The following ABTB3 variants were observed in gnomAD, a reference collection of about 807,000 sequenced individuals.
ABTB3 encodes ankyrin repeat- and BTB/POZ domain-containing protein 3.
chr12:107,438,719 A>G, the ABTB3 span, among the ~76,000 whole-genome samples: 1 of 152,180 alleles, frequency 6.6e-6, no homozygotes, highest in Non-Finnish European at 1.5e-5. Flanking sequence ...GAGCCATTCA[A>G]TTTAACGTCC....
chr12:107,388,083 C>T, the ABTB3 span, among the ~76,000 whole-genome samples: 2 of 151,290 alleles, frequency 1.3e-5, no homozygotes, highest in Non-Finnish European at 2.9e-5. Context: ...AGTGATTCTC[C>T]TGCCTCAGCC....
At chr12:107,542,911 G>A in the ABTB3 span, among the ~76,000 whole-genome samples, 1 of 152,154 alleles carries the variant, frequency 6.6e-6, no homozygotes, top group Non-Finnish European at 1.5e-5. Flanking sequence ...GGAGGAGAAG[G>A]AAAAGGAGGA....
chr12:107,492,355 C>G, the ABTB3 span, among the ~76,000 whole-genome samples: 1 of 152,168 alleles, frequency 6.6e-6, no homozygotes, highest in African/African-American at 2.4e-5. Flanking sequence ...GCTTGCCACA[C>G]CCCTCTGTGC....
At chr12:107,473,435 C>T in the ABTB3 span, among the ~76,000 whole-genome samples, 1 of 151,984 alleles carries the variant, frequency 6.6e-6, no homozygotes, top group African/African-American at 2.4e-5. Context: ...CTCACTGCAA[C>T]CTCTGCCTCC....
At chr12:107,554,584 G>A in the ABTB3 span, among the ~76,000 whole-genome samples, 31 of 152,270 alleles carry the variant, frequency 2.0e-4, no homozygotes, top group Non-Finnish European at 1.5e-4. Context: ...GATAATAGCC[G>A]TTACTATTCT....
At chr12:107,596,038 AATT>A in the ABTB3 span, among the ~76,000 whole-genome samples, 1 of 152,140 alleles carries the variant, frequency 6.6e-6, no homozygotes, top group East Asian at 1.9e-4. Context: ...TGTTTGCTAT[AATT>A]ATTATTTGAG....
At chr12:107,451,947 GTTA>G in the ABTB3 span, among the ~76,000 whole-genome samples, 34 of 152,326 alleles carry the variant, frequency 2.2e-4, no homozygotes, top group East Asian at 1.3e-3. Context: ...GGGAAGCACT[GTTA>G]TTATTAATCC....
the ABTB3 span, among the ~76,000 whole-genome samples, chr12:107,503,756 CAAAA>C: frequency 1.4e-5 from 1 of 70,766 alleles, no homozygotes; most frequent in Non-Finnish European, 2.5e-5. Context: ...GACCCTATCT[CAAAA>C]AAAAAAAAAA....
chr12:107,511,546 A>T, the ABTB3 span, among the ~76,000 whole-genome samples: 2 of 151,890 alleles, frequency 1.3e-5, no homozygotes, highest in African/African-American at 4.8e-5. Flanking sequence ...ATCCTCCAGC[A>T]TGCTAGCCAG....
chr12:107,616,988 G>A, the ABTB3 span: 4 of 1,195,190 alleles, frequency 3.3e-6, no homozygotes, highest in Non-Finnish European at 4.9e-6. Flanking sequence ...CCTAGAGGGA[G>A]GGAAGGAGTG....
the ABTB3 span, among the ~76,000 whole-genome samples, chr12:107,644,005 T>TTGGGGAG: frequency 6.6e-6 from 1 of 152,238 alleles, no homozygotes; most frequent in South Asian, 2.1e-4. Context: ...CTCAACCAAT[T>TTGGGGAG]CACCCACCTT....
chr12:107,372,138 T>C, the ABTB3 span, among the ~76,000 whole-genome samples: 1 of 152,232 alleles, frequency 6.6e-6, no homozygotes, highest in African/African-American at 2.4e-5. Flanking sequence ...TGATTTACTT[T>C]TGCATCATCC....
chr12:107,447,779 A>T, the ABTB3 span, among the ~76,000 whole-genome samples: 1 of 152,138 alleles, frequency 6.6e-6, no homozygotes, highest in Non-Finnish European at 1.5e-5. Context: ...CTAAGAGAGA[A>T]ATCAGAGGTG....
chr12:107,486,611 T>C, the ABTB3 span: 1 of 151,882 alleles, frequency 6.6e-6, no homozygotes, highest in Admixed American at 6.6e-5. Flanking sequence ...ATATTGGGCA[T>C]GTTCAGGGTG....
chr12:107,393,337 G>GCACTTTGGGT, the ABTB3 span, among the ~76,000 whole-genome samples: 1 of 149,510 alleles, frequency 6.7e-6, no homozygotes, highest in Non-Finnish European at 1.5e-5. Flanking sequence ...ATCAGGCAGG[G>GCACTTTGGGT]TGGGGGTGGG....
the ABTB3 span, chr12:107,319,406 A>G: frequency 1.2e-6 from 2 of 1,602,068 alleles, no homozygotes; most frequent in South Asian, 1.1e-5. Context: ...GCGCTTCGCC[A>G]AGTGCACCAA....
chr12:107,329,195 G>A, the ABTB3 span, among the ~76,000 whole-genome samples: 4 of 152,212 alleles, frequency 2.6e-5, no homozygotes, highest in African/African-American at 7.2e-5. Context: ...CTACTGCAGA[G>A]GAGACTGAGG....
the ABTB3 span, among the ~76,000 whole-genome samples, chr12:107,492,162 T>C: frequency 6.6e-6 from 1 of 152,132 alleles, no homozygotes; most frequent in Non-Finnish European, 1.5e-5. Context: ...TAGAATGGTG[T>C]TTCTGAAGCC....
chr12:107,548,458 A>G, the ABTB3 span, among the ~76,000 whole-genome samples: 1 of 152,228 alleles, frequency 6.6e-6, no homozygotes, highest in Non-Finnish European at 1.5e-5. Context: ...GTAGGCCTGC[A>G]TGCACCATTT....
Sources: allele counts gnomAD v4.1 joint callset (sites outside exome capture counted in the v4.1 genomes callset), GRCh38; gene constraint gnomAD v4.1.1; transcripts MANE v1.5; gene names NCBI Gene and HGNC (gene_info 2026-07-23, HGNC 2026-07-21).